Variants in GPRIN1 observed in about 807,000 individuals in gnomAD.
The protein encoded by GPRIN1 is G protein-regulated inducer of neurite outgrowth 1.
Under a neutral mutation model 2.8 loss-of-function variants are expected in GPRIN1, and 4 were observed. That is an observed-to-expected ratio of 1.45 (90% CI 0.71 to 3.32). The LOEUF (loss-of-function observed/expected upper bound fraction) is 3.32. Among genes scored for constraint, GPRIN1 ranks in the 30% most tolerant of loss-of-function variants. GPRIN1 has a pLI of 0.01. For missense variants in GPRIN1, 1,322 were observed against 1,343.4 expected (o/e 0.98, Z 0.25); for synonymous variants, 589 against 589.9 (o/e 1.00, Z 0.02).
At chr5:176,606,198 G>A (rs1192198316) in intron 1 of GPRIN1, among the ~76,000 whole-genome samples, 1 of 152,180 alleles carries the variant, frequency 6.6e-6, no homozygotes, top group Non-Finnish European at 1.5e-5. Flanking sequence ...GCTATAGTGA[G>A]AATTAAAGAA....
Position 176,598,804 on chromosome 5 carries a change from C to T in GPRIN1, c.1031G>A (p.Arg344Lys). The change falls in exon 2 of 2, where the codon AGG becomes AAG. Residue 344 changes from arginine to lysine, a missense_variant. Arg to Lys is a conservative substitution (Grantham distance 26). Coordinates refer to ENST00000303991, the MANE Select transcript of GPRIN1 (RefSeq NM_052899.3). ...SGTGAPGSLG[R>K]LDPTCLGMAD... ...CATCCCCAAGCATGTGGGATCCAGCCTTCCCAAGGACCCAGGAGCCCCGGT... is the reference window on the plus strand; with the variant it reads ...CATCCCCAAGCATGTGGGATCCAGCTTTCCCAAGGACCCAGGAGCCCCGGT... 1.9e-6 allele frequency: 3 copies of T among 1,613,822 alleles called. No individual in the cohort carries two copies. The highest frequency in any genetic ancestry group is 2.5e-6 in the Non-Finnish European group (3 of 1,180,030).
intron 1 of GPRIN1, among the ~76,000 whole-genome samples, chr5:176,601,698 G>A (rs998664022): frequency 6.6e-6 from 1 of 152,130 alleles, no homozygotes; most frequent in African/African-American, 2.4e-5. Flanking sequence ...TAGAGCTCCT[G>A]ATCCCCTCAA....
rs1759094896 is a variant in GPRIN1 at position 176,598,737 on chromosome 5, G to A, written c.1098C>T (p.Ala366=). Residue 366 remains alanine, a synonymous_variant, in exon 2 of 2, where the codon GCC becomes GCT. Transcript: ENST00000303991. ...ASVGNVETVP[A]TKEDSRFLGK... ...CCAGGAACCGGGAGTCCTCTTTTGT[G>A]GCAGGCACAGTTTCTACATTTCCCA... 2 of 1,613,582 alleles carry A rather than the reference G, an allele frequency of 1.2e-6. No homozygotes were observed. The highest frequency in any genetic ancestry group is 2.2e-5 in the South Asian group (2 of 91,092).
intron 1 of GPRIN1, among the ~76,000 whole-genome samples, chr5:176,607,392 G>A (rs1169288301): frequency 2.6e-5 from 4 of 152,198 alleles, no homozygotes; most frequent in African/African-American, 4.8e-5. Context: ...TGCCTAGGCC[G>A]GAGTGCAGTG....
At chr5:176,608,923 G>A (rs1467000986) in intron 1 of GPRIN1, among the ~76,000 whole-genome samples, 1 of 152,248 alleles carries the variant, frequency 6.6e-6, no homozygotes, top group Non-Finnish European at 1.5e-5. Flanking sequence ...GAGAATCTCA[G>A]TCTGCTGCCC....
rs969373967 is a variant in GPRIN1, at chr5:176,603,001, G to A, written c.-43-3124C>T. Among the ~76,000 whole-genome samples the A allele has an allele frequency of 9.2e-5, 14 of 152,316 alleles. 1 individual carries two copies. The highest frequency in any genetic ancestry group is 6.8e-3 in the Middle Eastern group (2 of 294). ...GTGACTGCCTCTCAGAAGGAAGAGC[G>A]GGGATCTGAGGGTGGGAGAAGCTTT... On this transcript the variant is annotated intron_variant, in intron 1 of 1. Coordinates refer to ENST00000303991, the MANE Select transcript of GPRIN1 (RefSeq NM_052899.3).
chr5:176,596,490 A>AG lies in GPRIN1; in HGVS notation c.*317dup. ...ATCTCAGGAGCCTGCCCCAGCTCTC[A>AG]GGGGGTGGGAGGTGAGGGTGCTGAG... On this transcript the variant is annotated 3_prime_UTR_variant, in exon 2 of 2. Coordinates refer to ENST00000303991, the MANE Select transcript of GPRIN1 (RefSeq NM_052899.3). The surrounding 1 kb of genome is among the most constrained non-coding windows in gnomAD (Gnocchi z 5.2). The AG allele has an allele frequency of 1.7e-5, 3 of 177,438 alleles. No individual in the cohort carries two copies. Among genetic ancestry groups the AG allele is most frequent in the East Asian group, 2.8e-4 (2 of 7,138 alleles). 11.0% of individuals were successfully genotyped at this position (177,438 alleles called of 1,614,324 possible).
Position 176,597,637 on chromosome 5 carries a change from C to A in GPRIN1, c.2198G>T (p.Gly733Val), listed in dbSNP as rs773491913. Residue 733 changes from glycine to valine, a missense_variant, in exon 2 of 2, where the codon GGC becomes GTC. Transcript: ENST00000303991. The surrounding 1 kb of genome is among the most constrained non-coding windows in gnomAD (Gnocchi z 6.1). ...SSRQLDRKAL[G>V]SARSPEGARG... ...GGCACCCTCGGGAGACCGGGCTGAG[C>A]CGAGGGCTTTGCGGTCTAACTGCCT... 8.7e-6 allele frequency: 14 copies of A among 1,600,852 alleles called. No individual in the cohort carries two copies. The highest frequency in any genetic ancestry group is 1.2e-5 in the Non-Finnish European group (14 of 1,177,766).
intron 1 of GPRIN1, among the ~76,000 whole-genome samples, chr5:176,600,306 T>C (rs2113349591): frequency 6.6e-6 from 1 of 152,162 alleles, no homozygotes; most frequent in Non-Finnish European, 1.5e-5. Flanking sequence ...TTGTATTTTG[T>C]TGGTCAGGCT....
rs201438977 is a variant in GPRIN1 at position 176,598,510 on chromosome 5, C to T, written c.1325G>A (p.Arg442His). 24 of 1,614,136 alleles carry T rather than the reference C, an allele frequency of 1.5e-5. No individual in the cohort carries two copies. Among genetic ancestry groups the T allele is most frequent in the East Asian group, 2.2e-5 (1 of 44,880 alleles). The change falls in exon 2 of 2, where the codon CGT becomes CAT. Residue 442 changes from arginine (R) to histidine (H), a missense_variant. Physicochemically the swap from Arg to His is conservative, Grantham distance 29. Coordinates refer to ENST00000303991, the MANE Select transcript of GPRIN1 (RefSeq NM_052899.3). ...PELLSPGQAE[R>H]VSVGKAGTVS... The stretch of plus-strand genomic sequence containing the variant: ...AGTTCCTGCCTTTCCCACAGACACA[C>T]GCTCTGCCTGTCCAGGAGACAAGAG...
chr5:176,604,516 A>G (rs536424303), intron 1 of GPRIN1, among the ~76,000 whole-genome samples: 3 of 152,032 alleles, frequency 2.0e-5, no homozygotes, highest in African/African-American at 7.2e-5. Flanking sequence ...CTCTCAATGT[A>G]ATAGGATTAT....
rs1759168277 is a variant in GPRIN1, at chr5:176,602,896, G to A, written c.-43-3019C>T. On this transcript the variant is annotated intron_variant, in intron 1 of 1. Coordinates refer to ENST00000303991, the MANE Select transcript of GPRIN1 (RefSeq NM_052899.3). The surrounding 1 kb of genome is among the most constrained non-coding windows in gnomAD (Gnocchi z 4.4). ...GCATCGCTACTGGGATCCCACGCGT[G>A]TAGCCAAGGAAAAGGACACACATGG... Among the ~76,000 whole-genome samples, 1 of 152,202 alleles carries A rather than the reference G, an allele frequency of 6.6e-6. No individual in the cohort carries two copies. Among genetic ancestry groups the A allele is most frequent in the African/African-American group, 2.4e-5 (1 of 41,434 alleles).
chr5:176,596,818 G>A lies in GPRIN1; in HGVS notation c.3017C>T (p.Thr1006Met), dbSNP rs1215642957. Reference sequence around the variant, plus strand: ...CAAAATGGGGGCAGATCACTCGGCCGTGGGTCCCGCCCGCGAGCAGCACCG... The same window carrying A: ...CAAAATGGGGGCAGATCACTCGGCCATGGGTCCCGCCCGCGAGCAGCACCG... ...RPRCCSRAGP[T>M]AE Residue 1006 changes from threonine to methionine, a missense_variant, in exon 2 of 2, where the codon ACG (threonine) becomes ATG (methionine). Around this residue, in one of 3 missense-constraint regions of GPRIN1, gnomAD observed 196 missense variants for 189.2 expected, o/e 1.04. Transcript: ENST00000303991. The surrounding 1 kb of genome is among the most constrained non-coding windows in gnomAD (Gnocchi z 5.2). 5 of 1,427,742 alleles carry A rather than the reference G, an allele frequency of 3.5e-6. No individual in the cohort carries two copies. The highest frequency in any genetic ancestry group is 4.6e-6 in the Non-Finnish European group (5 of 1,089,610). The allele number at this position is 1,427,742 out of a possible 1,614,324, so 88.4% of individuals were successfully genotyped here.
At position 176,603,926 on chromosome 5, in the gene GPRIN1, G is replaced by C. The variant is rs537057282; in HGVS notation, c.-43-4049C>G. On this transcript the variant is annotated intron_variant, in intron 1 of 1. Coordinates refer to ENST00000303991, the MANE Select transcript of GPRIN1 (RefSeq NM_052899.3). ...AGACTGAGGGAGACAAGAGGGAGTG[G>C]TGGGGACTGTGGCAAACTAGAGGGC... Among the ~76,000 whole-genome samples the C allele has an allele frequency of 2.3e-3, 353 of 152,310 alleles. 1 individual carries two copies. The highest frequency in any genetic ancestry group is 8.1e-3 in the African/African-American group (338 of 41,556).
rs748837601 is a variant in GPRIN1 at position 176,598,911 on chromosome 5, C to T, written c.924G>A (p.Ala308=). 1.9e-5 allele frequency: 30 copies of T among 1,613,960 alleles called. No individual in the cohort carries two copies. Among genetic ancestry groups the T allele is most frequent in the Middle Eastern group, 3.3e-4 (2 of 6,084 alleles). The part of the protein sequence containing the change: ...DPMPLESMDS[A]STGKTEPGLL... The stretch of plus-strand genomic sequence containing the variant: ...GCCCCGGCTCTGTCTTTCCTGTGGA[C>T]GCAGAATCCATGCTTTCCAAGGGCA... The change falls in exon 2 of 2, where the codon GCG becomes GCA. Residue 308 remains alanine, a synonymous_variant. Coordinates refer to ENST00000303991, the MANE Select transcript of GPRIN1 (RefSeq NM_052899.3).
chr5:176,600,568 T>A (rs1403040774), intron 1 of GPRIN1, among the ~76,000 whole-genome samples: 2 of 152,160 alleles, frequency 1.3e-5, no homozygotes, highest in Non-Finnish European at 2.9e-5. Context: ...GGGTTAGGTA[T>A]AAGACAAAAG....
Position 176,599,093 on chromosome 5 carries a change from T to C in GPRIN1, c.742A>G (p.Lys248Glu). ...TTTCTTGGGAATACAGGGTCCACTTTGTCTGAGGACACAGGATCCACCTTT... is the reference window on the plus strand; with the variant it reads ...TTTCTTGGGAATACAGGGTCCACTTCGTCTGAGGACACAGGATCCACCTTT... ...LRKVDPVSSDKVDPVFPRKEE... is the reference protein window; with the variant it reads ...LRKVDPVSSDEVDPVFPRKEE... Residue 248 changes from lysine to glutamate, a missense_variant, in exon 2 of 2, where the codon AAA becomes GAA. Lys to Glu is a moderately conservative substitution (Grantham distance 56). This residue lies in a region of GPRIN1 where 1,117 missense variants were observed against 1,128.6 expected (regional missense o/e 0.99). Transcript: ENST00000303991. The C allele has an allele frequency of 6.2e-7, 1 of 1,613,076 alleles. No individual in the cohort carries two copies. Among genetic ancestry groups the C allele is most frequent in the Non-Finnish European group, 8.5e-7 (1 of 1,179,220 alleles).
At chr5:176,604,073 A>G (rs981854213) in intron 1 of GPRIN1, among the ~76,000 whole-genome samples, 4 of 152,308 alleles carry the variant, frequency 2.6e-5, no homozygotes, top group African/African-American at 9.6e-5. Context: ...TATTCTTGGG[A>G]CTGGGGATAC....
Position 176,598,175 on chromosome 5 carries a change from C to G in GPRIN1, c.1660G>C (p.Val554Leu). 6.2e-7 allele frequency: 1 copy of G among 1,612,696 alleles called. No homozygotes were observed. The highest frequency in any genetic ancestry group is 8.5e-7 in the Non-Finnish European group (1 of 1,179,990). ...CCAGCGTCTGCCTTTCCCTTGCTCA[C>G]AGGGTCCTCCTTGCCCACCGCGAGG... ...EPLAVGKEDP[V>L]SKGKADAGPS... The change falls in exon 2 of 2, where the codon GTG becomes CTG. Residue 554 changes from valine to leucine, a missense_variant. Around this residue, in one of 3 missense-constraint regions of GPRIN1, gnomAD observed 1,117 missense variants for 1,128.6 expected, o/e 0.99. Transcript: ENST00000303991.
Sources: gnomAD v4.1 joint callset for allele counts (sites outside exome capture counted in the v4.1 genomes callset) on GRCh38, gnomAD v4.1.1 for gene constraint, gnomAD v4.1.1 regional missense constraint, Gnocchi (gnomAD v3.1) non-coding constraint, MANE v1.5 for transcripts, NCBI Gene and HGNC (gene_info 2026-07-23, HGNC 2026-07-21) for gene names.